TBXAS1: variants seen among roughly 807,000 people sequenced by gnomAD.
TBXAS1 encodes the protein thromboxane-A synthase.
Under a neutral mutation model 60.7 loss-of-function variants are expected in TBXAS1, and 48 were observed. The ratio of observed to expected loss-of-function variants is 0.79; its 90% confidence interval spans 0.63 to 1.01. The LOEUF is 1.01. Among genes scored for constraint, TBXAS1 ranks in the 50% least tolerant of loss-of-function variants. The pLI is 0.00. For synonymous variants in TBXAS1, 287 were observed against 269.7 expected (o/e 1.06, Z -0.63); for missense variants, 685 against 686.3 (o/e 1.00, Z 0.02).
chr7:139,837,990 G>A (rs1310465969), intron 1 of TBXAS1, among the ~76,000 whole-genome samples: 1 of 152,146 alleles, frequency 6.6e-6, no homozygotes, highest in Non-Finnish European at 1.5e-5. Context: ...GTTGAAGGTG[G>A]TAAAGTCAAG....
intron 3 of TBXAS1, among the ~76,000 whole-genome samples, chr7:139,909,623 G>C (rs1805362618): frequency 6.6e-6 from 1 of 152,174 alleles, no homozygotes; most frequent in African/African-American, 2.4e-5. Flanking sequence ...ATATGTGCCA[G>C]ACAAATATTT....
In TBXAS1 at chr7:139,823,476, T is replaced by A. The variant is rs144327430; in HGVS notation, c.-79-5836T>A. On this transcript the variant is annotated intron_variant, in intron 4 of 16. Transcript: ENST00000336425. ...ATCATATTGAAGAGACTGGACTGCA[T>A]TGGGGGTAGCCAAGGTTTTCATGCT... Among the ~76,000 whole-genome samples, 189 of 152,222 alleles carry A rather than the reference T, an allele frequency of 1.2e-3. 2 individuals are homozygous for A. The highest frequency in any genetic ancestry group is 2.0e-3 in the Admixed American group (31 of 15,290).
At chr7:139,862,489 T>TG (rs569373218) in intron 1 of TBXAS1, among the ~76,000 whole-genome samples, 15 of 151,512 alleles carry the variant, frequency 9.9e-5, no homozygotes, top group Admixed American at 9.9e-4. Flanking sequence ...TTAGTTGGAG[T>TG]GGGGGGAGGA....
At chr7:139,867,281 A>G (rs771387274) in intron 1 of TBXAS1, among the ~76,000 whole-genome samples, 1 of 152,208 alleles carries the variant, frequency 6.6e-6, no homozygotes, top group Non-Finnish European at 1.5e-5. Flanking sequence ...CAGTGCACCA[A>G]GTAGGAATTC....
chr7:139,824,830 T>TATTC (rs1554469271), upstream of TBXAS1, among the ~76,000 whole-genome samples: 5 of 128,384 alleles, frequency 3.9e-5, no homozygotes, highest in East Asian at 6.9e-4. Flanking sequence ...TTTCCTTTTC[T>TATTC]TTTTTTTTTT....
chr7:139,798,566 T>C (rs937123931), intron 4 of TBXAS1, among the ~76,000 whole-genome samples: 1 of 152,142 alleles, frequency 6.6e-6, no homozygotes, highest in Non-Finnish European at 1.5e-5. Context: ...ATAGAAACCT[T>C]CTATGCAGGA....
At chr7:140,007,683 C>G (rs1814200633) in intron 10 of TBXAS1, among the ~76,000 whole-genome samples, 1 of 152,182 alleles carries the variant, frequency 6.6e-6, no homozygotes, top group South Asian at 2.1e-4. Context: ...GCTGTCCCAT[C>G]CTGGAGCTCC....
chr7:140,017,689 G>A lies in TBXAS1; in HGVS notation c.1383G>A (p.Arg461=), dbSNP rs1303040621. ...FNPERFTAEA[R]QQHRPFTYLP... The stretch of plus-strand genomic sequence containing the variant: ...CCTGCAGGTTCACGGCTGAGGCCCG[G>A]CAGCAGCACCGGCCCTTCACGTACC... Residue 461 remains arginine (R), a synonymous_variant, in exon 12 of 13, where the codon CGG becomes CGA. Coordinates refer to ENST00000448866, the MANE Select transcript of TBXAS1 (RefSeq NM_001061.7). 6.2e-7 allele frequency: 1 copy of A among 1,613,372 alleles called. No individual in the cohort carries two copies. Among genetic ancestry groups the A allele is most frequent in the South Asian group, 1.1e-5 (1 of 91,042 alleles).
intron 6 of TBXAS1, among the ~76,000 whole-genome samples, chr7:139,954,813 A>C (rs1393514426): frequency 6.6e-6 from 1 of 152,182 alleles, no homozygotes; most frequent in Non-Finnish European, 1.5e-5. Context: ...TCTAAAGCAC[A>C]ATGTATGTTT....
chr7:139,917,267 T>C (rs1462227767), intron 4 of TBXAS1, among the ~76,000 whole-genome samples: 1 of 152,228 alleles, frequency 6.6e-6, no homozygotes, highest in Non-Finnish European at 1.5e-5. Context: ...GTCTCTATTT[T>C]GAGGCCTCTT....
chr7:139,839,676 CAAA>C (rs1297739214), intron 1 of TBXAS1, among the ~76,000 whole-genome samples: 16 of 89,310 alleles, frequency 1.8e-4, no homozygotes, highest in Admixed American at 3.6e-4. Context: ...CTGCTTCTAC[CAAA>C]AAAAAAAAAA....
At chr7:140,016,085 T>G (rs541844196) in intron 11 of TBXAS1, among the ~76,000 whole-genome samples, 1 of 152,256 alleles carries the variant, frequency 6.6e-6, no homozygotes, top group East Asian at 1.9e-4. Flanking sequence ...TCCCAGCACT[T>G]TGGGAGGCCA....
At chr7:139,791,969 CT>C (rs138780483) in intron 4 of TBXAS1, among the ~76,000 whole-genome samples, 1,728 of 151,956 alleles carry the variant, frequency 0.011, 30 homozygotes, top group African/African-American at 0.039. Context: ...TATTTTTTTC[CT>C]GTGGGAAGAT....
chr7:140,007,141 G>C lies in TBXAS1; in HGVS notation c.1185G>C (p.Met395Ile). ...AGGAAGGCCTGCCCTATCTGGACAT[G>C]GTGATTGCAGAGACGCTGAGGATGT... ...SLEEGLPYLD[M>I]VIAETLRMYP... The change falls in exon 10 of 13, where the codon ATG (methionine) becomes ATC (isoleucine). Residue 395 changes from methionine to isoleucine, a missense_variant. By Grantham distance (10) the Met-to-Ile change is conservative. Transcript: ENST00000448866. The C allele has an allele frequency of 6.2e-7, 1 of 1,614,180 alleles. No homozygotes were observed. The highest frequency in any genetic ancestry group is 1.1e-5 in the South Asian group (1 of 91,084).
At chr7:139,798,363 G>T (rs537618885) in intron 4 of TBXAS1, among the ~76,000 whole-genome samples, 2 of 152,208 alleles carry the variant, frequency 1.3e-5, no homozygotes, top group African/African-American at 2.4e-5. Flanking sequence ...GGAGATTCCC[G>T]CATGGGTGGA....
intron 5 of TBXAS1, among the ~76,000 whole-genome samples, chr7:139,944,763 G>A (rs113808936): frequency 3.9e-5 from 6 of 152,222 alleles, no homozygotes; most frequent in African/African-American, 1.2e-4. Context: ...CACCATCAAC[G>A]TTTGGGGCTT....
At chr7:139,839,106 T>C (rs1799259501) in intron 1 of TBXAS1, among the ~76,000 whole-genome samples, 1 of 152,190 alleles carries the variant, frequency 6.6e-6, no homozygotes, top group Non-Finnish European at 1.5e-5. Flanking sequence ...GGATAAAGAT[T>C]GCTTTATTCT....
In TBXAS1 at chr7:139,875,618, C is replaced by T. The variant is rs1802168644; in HGVS notation, c.217C>T (p.Leu73=). ...GGAAAGCCAAATGGAGCTCAGAAAG[C>T]TGTATGGACCTCTGTGTGGGTAAGA... ...FWESQMELRK[L]YGPLCGYYLG... is the part of the protein sequence containing the mutation. Residue 73 remains leucine (L), a synonymous_variant, in exon 3 of 13, where the codon CTG becomes TTG. Coordinates refer to ENST00000448866, the MANE Select transcript of TBXAS1 (RefSeq NM_001061.7). The T allele has an allele frequency of 6.2e-7, 1 of 1,614,006 alleles. No individual in the cohort carries two copies. Among genetic ancestry groups the T allele is most frequent in the African/African-American group, 1.3e-5 (1 of 74,864 alleles).
At chr7:139,979,668 G>A (rs1413239603) in intron 9 of TBXAS1, among the ~76,000 whole-genome samples, 2 of 151,470 alleles carry the variant, frequency 1.3e-5, no homozygotes, top group Admixed American at 6.6e-5. Context: ...AGAGGTTGCA[G>A]TGAGCCAAGA....
Sources: gnomAD v4.1 joint callset for allele counts (sites outside exome capture counted in the v4.1 genomes callset) on GRCh38, gnomAD v4.1.1 for gene constraint, MANE v1.5 for transcripts, NCBI Gene and HGNC (gene_info 2026-07-23, HGNC 2026-07-21) for gene names.